TIAM2: variants seen among roughly 807,000 people sequenced by gnomAD.
TIAM2 encodes rho guanine nucleotide exchange factor TIAM2.
A neutral mutation model predicts 152.9 loss-of-function variants in TIAM2; 80 were observed. That is an observed-to-expected ratio of 0.52 (90% CI 0.44 to 0.63). The LOEUF (loss-of-function observed/expected upper bound fraction) is 0.63, where lower values mean the gene tolerates loss of function less well. TIAM2 is among the 30% of genes least tolerant of loss of function. The pLI, the probability that TIAM2 is intolerant of heterozygous loss-of-function variation, is 0.00. For synonymous variants in TIAM2, 804 were observed against 838.0 expected (o/e 0.96, Z 0.70); for missense variants, 1,965 against 2,120.1 (o/e 0.93, Z 1.44).
At chr6:155,101,289 G>A (rs572537610) in intron 2 of TIAM2, among the ~76,000 whole-genome samples, 83 of 152,186 alleles carry the variant, frequency 5.5e-4, no homozygotes, top group African/African-American at 1.9e-3. Flanking sequence ...TTTTGCTACC[G>A]CATTTCTCAA....
intron 1 of TIAM2, among the ~76,000 whole-genome samples, chr6:155,031,302 G>T (rs1156392209): frequency 6.6e-6 from 1 of 152,144 alleles, no homozygotes; most frequent in South Asian, 2.1e-4. Context: ...ATAAATCCAG[G>T]TGAGTCTTTC....
intron 1 of TIAM2, among the ~76,000 whole-genome samples, chr6:155,073,251 C>G (rs922170454): frequency 1.3e-5 from 2 of 150,944 alleles, no homozygotes; most frequent in Admixed American, 6.6e-5. Context: ...CAACCTCCAC[C>G]TCCCGGGTTC....
chr6:155,073,053 TC>T (rs1330150275), intron 1 of TIAM2, among the ~76,000 whole-genome samples: 2 of 152,208 alleles, frequency 1.3e-5, no homozygotes, highest in Non-Finnish European at 2.9e-5. Flanking sequence ...TTGGTGTTTT[TC>T]ATGCCTAAGA....
chr6:155,045,546 G>A (rs1777156192), intron 1 of TIAM2, among the ~76,000 whole-genome samples: 1 of 152,020 alleles, frequency 6.6e-6, no homozygotes, highest in Non-Finnish European at 1.5e-5. Context: ...AAAGAAATGG[G>A]TTTTCCTCAA....
rs929352821 is a variant in TIAM2 at position 155,257,458 on chromosome 6, A to AT, written c.*343dup. ...CGTGATTAATAGTTTTCAAAGGGCC[A>AT]TTTTTTAAAATCCTCTGGGCATTTT... On this transcript the variant is annotated 3_prime_UTR_variant, in exon 27 of 27. Transcript: ENST00000682666. The AT allele has an allele frequency of 6.0e-6, 2 of 332,770 alleles. No homozygotes were observed. Among genetic ancestry groups the AT allele is most frequent in the African/African-American group, 2.2e-5 (1 of 45,532 alleles). 20.6% of individuals were successfully genotyped at this position (332,770 alleles called of 1,614,324 possible).
rs569736250 is a variant in TIAM2 at position 155,123,697 on chromosome 6, A to G, written c.-117-3793A>G. Among the ~76,000 whole-genome samples the G allele has an allele frequency of 2.0e-3, 307 of 152,332 alleles. 2 individuals carry two copies. The highest frequency in any genetic ancestry group is 6.8e-3 in the African/African-American group (283 of 41,588). On this transcript the variant is annotated intron_variant, in intron 2 of 26. Coordinates refer to ENST00000682666, the MANE Select transcript of TIAM2 (RefSeq NM_012454.4). Reference sequence around the variant, plus strand: ...AGTGGCTGACACAGTCGGCCACTCAATCGCAGTTTTGTCCGCTGGTTTTGG... The same window carrying G: ...AGTGGCTGACACAGTCGGCCACTCAGTCGCAGTTTTGTCCGCTGGTTTTGG...
At chr6:155,128,045 C>T (rs192257998) in intron 3 of TIAM2, among the ~76,000 whole-genome samples, 2 of 152,208 alleles carry the variant, frequency 1.3e-5, no homozygotes, top group Admixed American at 1.3e-4. Flanking sequence ...CTTCTTTCCT[C>T]CCTTCCTCCC....
At chr6:155,239,636 G>T (rs1782932071) in intron 15 of TIAM2, among the ~76,000 whole-genome samples, 1 of 152,252 alleles carries the variant, frequency 6.6e-6, no homozygotes, top group South Asian at 2.1e-4. Flanking sequence ...TGTGCCAAAG[G>T]CCAGTGGTCC....
intron 1 of TIAM2, among the ~76,000 whole-genome samples, chr6:155,016,524 AT>A (rs1778589189): frequency 6.6e-6 from 1 of 151,838 alleles, no homozygotes; most frequent in Non-Finnish European, 1.5e-5. Flanking sequence ...TGGTATTTAC[AT>A]TTAAATGGTA....
chr6:155,210,514 T>TAG (rs923935139), intron 14 of TIAM2, among the ~76,000 whole-genome samples: 1 of 151,900 alleles, frequency 6.6e-6, no homozygotes, highest in African/African-American at 2.4e-5. Context: ...CAATTTCTCG[T>TAG]AGAGACACTA....
intron 1 of TIAM2, among the ~76,000 whole-genome samples, chr6:155,030,649 A>T (rs1214044973): frequency 6.6e-6 from 1 of 152,180 alleles, no homozygotes; most frequent in East Asian, 1.9e-4. Context: ...TTGTGGAAGA[A>T]TGTTAGCTAC....
intron 1 of TIAM2, among the ~76,000 whole-genome samples, chr6:155,029,513 C>CTATATATATATACTATAG (rs1562295279): frequency 4.5e-5 from 1 of 22,052 alleles, no homozygotes; most frequent in Non-Finnish European, 7.9e-5. Context: ...ATAATATATA[C>CTATATATATATACTATAG]TATATATTAT....
chr6:155,059,128 G>A (rs1329984106), intron 1 of TIAM2, among the ~76,000 whole-genome samples: 5 of 152,120 alleles, frequency 3.3e-5, no homozygotes, highest in Admixed American at 6.6e-5. Context: ...ACTAATGTAG[G>A]TTTTCTGTTC....
intron 1 of TIAM2, among the ~76,000 whole-genome samples, chr6:155,073,415 G>A (rs1453265064): frequency 2.6e-5 from 4 of 151,942 alleles, no homozygotes; most frequent in Admixed American, 1.3e-4. Context: ...CACCCGCCTC[G>A]GCCTCCCAAA....
rs114737424 is a variant in TIAM2, at chr6:155,081,025, A to G, written c.-208-9264A>G. 9.8e-3 allele frequency among the ~76,000 whole-genome samples: 1,498 copies of G among 152,298 alleles called. 22 individuals are homozygous for G. The highest frequency in any genetic ancestry group is 0.034 in the African/African-American group (1,415 of 41,564). Reference sequence around the variant, plus strand: ...TGAAATCATTGTTTCCTGGAGGTCCACAGTGAGGGGGCCAGTCAGGAAATA... The same window carrying G: ...TGAAATCATTGTTTCCTGGAGGTCCGCAGTGAGGGGGCCAGTCAGGAAATA... On this transcript the variant is annotated intron_variant, in intron 1 of 26. Coordinates refer to ENST00000682666, the MANE Select transcript of TIAM2 (RefSeq NM_012454.4).
intron 15 of TIAM2, among the ~76,000 whole-genome samples, chr6:155,224,556 A>G (rs962264979): frequency 1.3e-5 from 2 of 152,204 alleles, no homozygotes; most frequent in African/African-American, 4.8e-5. Context: ...AAAAACATGG[A>G]TGTGTCATTA....
intron 1 of TIAM2, among the ~76,000 whole-genome samples, chr6:155,009,253 C>T (rs137918183): frequency 3.4e-4 from 51 of 152,046 alleles, no homozygotes; most frequent in African/African-American, 1.1e-3. Flanking sequence ...AGCCGTGAGC[C>T]ACCATGCCTG....
At chr6:155,183,609 T>C in intron 14 of TIAM2, 109 bp downstream of exon 14, 3 of 1,341,850 alleles carry the variant, frequency 2.2e-6, no homozygotes, top group Non-Finnish European at 3.0e-6. Context: ...CAAAGAATGT[T>C]TTCTAATTTA....
chr6:155,006,731 C>T (rs565528210), intron 1 of TIAM2, among the ~76,000 whole-genome samples: 1 of 151,872 alleles, frequency 6.6e-6, no homozygotes, highest in Non-Finnish European at 1.5e-5. Flanking sequence ...CTCTGTTGCC[C>T]AGGCTGGAGT....
Sources: allele counts gnomAD v4.1 joint callset (sites outside exome capture counted in the v4.1 genomes callset), GRCh38; gene constraint gnomAD v4.1.1; transcripts MANE v1.5; gene names NCBI Gene and HGNC (gene_info 2026-07-23, HGNC 2026-07-21).